NKAIN2: variants seen among roughly 807,000 people sequenced by gnomAD.
NKAIN2 encodes sodium/potassium transporting ATPase interacting 2, also known as sodium/potassium-transporting ATPase subunit beta-1-interacting protein 2.
NKAIN2 carries 14 observed loss-of-function variants against 32.6 expected under a neutral mutation model. That is an observed-to-expected ratio of 0.43 (90% CI 0.28 to 0.67). The LOEUF (loss-of-function observed/expected upper bound fraction) is 0.67. Among genes scored for constraint, NKAIN2 ranks in the 30% least tolerant of loss-of-function variants. The pLI, the probability that NKAIN2 is intolerant of heterozygous loss-of-function variation, is 0.17. For synonymous variants in NKAIN2, 80 were observed against 87.2 expected (o/e 0.92, Z 0.46); for missense variants, 198 against 258.3 (o/e 0.77, Z 1.60).
intron 2 of NKAIN2, among the ~76,000 whole-genome samples, chr6:124,299,256 G>A (rs989979715): frequency 6.6e-6 from 1 of 152,172 alleles, no homozygotes; most frequent in African/African-American, 2.4e-5. Context: ...GGAAACTGCA[G>A]AAACAAAATT....
rs192252965 is a variant in NKAIN2 at position 124,287,051 on chromosome 6, T to G, written c.192+3909T>G. Among the ~76,000 whole-genome samples, 13 of 152,318 alleles carry G rather than the reference T, an allele frequency of 8.5e-5. No individual in the cohort carries two copies. In the East Asian group the frequency reaches 2.5e-3, roughly 29 times the overall value. Reference sequence around the variant, plus strand: ...GTCTTAGTGTTTATCTTAATTTATGTAGATAATTTAATAAAGACATTTACC... The same window carrying G: ...GTCTTAGTGTTTATCTTAATTTATGGAGATAATTTAATAAAGACATTTACC... On this transcript the variant is annotated intron_variant, in intron 2 of 6. Coordinates refer to ENST00000368417, the MANE Select transcript of NKAIN2 (RefSeq NM_001040214.3).
chr6:123,970,000 C>G lies in NKAIN2; in HGVS notation c.54+165746C>G, dbSNP rs2114633640. Among the ~76,000 whole-genome samples, 5 of 152,024 alleles carry G rather than the reference C, an allele frequency of 3.3e-5. No homozygotes were observed. The South Asian group carries it at 1.0e-3, about 32-fold the overall frequency. Reference sequence around the variant, plus strand: ...ATATGTCTTAGGACAAATGCATAAACTAGATGTATGTATCAAATACATAAT... The same window carrying G: ...ATATGTCTTAGGACAAATGCATAAAGTAGATGTATGTATCAAATACATAAT... On this transcript the variant is annotated intron_variant, in intron 1 of 6. Coordinates refer to ENST00000368417, the MANE Select transcript of NKAIN2 (RefSeq NM_001040214.3).
At chr6:124,576,992 C>T (rs969052509) in intron 3 of NKAIN2, among the ~76,000 whole-genome samples, 1 of 151,970 alleles carries the variant, frequency 6.6e-6, no homozygotes, top group Non-Finnish European at 1.5e-5. Context: ...GAACTGAAAC[C>T]TCTGCTTTTT....
At chr6:124,243,571 T>G (rs970935855) in intron 1 of NKAIN2, among the ~76,000 whole-genome samples, 1 of 151,994 alleles carries the variant, frequency 6.6e-6, no homozygotes, top group East Asian at 1.9e-4. Flanking sequence ...AGCCAATGTA[T>G]TGGAAATGTC....
At chr6:124,061,188 C>T (rs1782904902) in intron 1 of NKAIN2, among the ~76,000 whole-genome samples, 1 of 152,100 alleles carries the variant, frequency 6.6e-6, no homozygotes, top group Non-Finnish European at 1.5e-5. Context: ...AAAAGCAAGT[C>T]TGAATAACAC....
intron 1 of NKAIN2, among the ~76,000 whole-genome samples, chr6:123,963,256 G>C (rs937041996): frequency 4.6e-5 from 7 of 152,070 alleles, no homozygotes; most frequent in African/African-American, 1.7e-4. Context: ...TTTTTGGAGT[G>C]ATGAAATAAA....
chr6:124,455,689 C>G (rs976826103), intron 3 of NKAIN2, among the ~76,000 whole-genome samples: 1 of 151,674 alleles, frequency 6.6e-6, no homozygotes, highest in Non-Finnish European at 1.5e-5. Context: ...GGTAACATTT[C>G]CCCTAGTTAC....
At chr6:124,764,841 G>A (rs936423498) in intron 4 of NKAIN2, among the ~76,000 whole-genome samples, 5 of 151,864 alleles carry the variant, frequency 3.3e-5, no homozygotes, top group African/African-American at 1.2e-4. Context: ...GCATCCCAAG[G>A]AAAATTTTAT....
At chr6:123,972,239 G>C (rs145276375) in intron 1 of NKAIN2, among the ~76,000 whole-genome samples, 92 of 152,302 alleles carry the variant, frequency 6.0e-4, no homozygotes, top group African/African-American at 2.2e-3. Context: ...GTTATTAGTA[G>C]TTAAGTTTTT....
intron 1 of NKAIN2, among the ~76,000 whole-genome samples, chr6:124,234,140 A>G (rs1465956385): frequency 6.6e-6 from 1 of 152,118 alleles, no homozygotes; most frequent in African/African-American, 2.4e-5. Flanking sequence ...GTCTTTGCAG[A>G]CTTACTTTTC....
intron 1 of NKAIN2, among the ~76,000 whole-genome samples, chr6:123,877,132 T>A (rs762095269): frequency 6.6e-6 from 1 of 152,200 alleles, no homozygotes; most frequent in Non-Finnish European, 1.5e-5. Context: ...ATTAGAAATC[T>A]ATCTTTTGTT....
At chr6:124,073,121 T>G (rs544439664) in intron 1 of NKAIN2, among the ~76,000 whole-genome samples, 2 of 152,208 alleles carry the variant, frequency 1.3e-5, no homozygotes, top group Non-Finnish European at 2.9e-5. Flanking sequence ...AGTTCAGTGA[T>G]GAACATTGCA....
chr6:124,350,158 A>T (rs1021340282), intron 2 of NKAIN2, among the ~76,000 whole-genome samples: 3 of 152,248 alleles, frequency 2.0e-5, no homozygotes, highest in East Asian at 3.9e-4. Context: ...AGGGCAGAAC[A>T]TCTTTTCCAA....
intron 3 of NKAIN2, among the ~76,000 whole-genome samples, chr6:124,421,429 A>G (rs1774744638): frequency 6.6e-6 from 1 of 152,150 alleles, no homozygotes; most frequent in African/African-American, 2.4e-5. Flanking sequence ...CATTTCTATT[A>G]GGGCACTTCT....
intron 1 of NKAIN2, among the ~76,000 whole-genome samples, chr6:123,990,051 G>A (rs1387525921): frequency 6.6e-6 from 1 of 152,232 alleles, no homozygotes; most frequent in Non-Finnish European, 1.5e-5. Flanking sequence ...TAATAAGCAG[G>A]TACTTTCTTC....
chr6:124,235,522 C>G (rs935687372), intron 1 of NKAIN2, among the ~76,000 whole-genome samples: 1 of 151,688 alleles, frequency 6.6e-6, no homozygotes, highest in African/African-American at 2.4e-5. Flanking sequence ...TTAAATTTTG[C>G]ATATGAGGGA....
At chr6:124,122,677 G>T (rs777235475) in intron 1 of NKAIN2, among the ~76,000 whole-genome samples, 3 of 152,070 alleles carry the variant, frequency 2.0e-5, no homozygotes, top group Non-Finnish European at 4.4e-5. Flanking sequence ...ACAGCAGAAA[G>T]ACTCCCCATA....
At chr6:124,664,585 G>C (rs1359641056) in intron 4 of NKAIN2, among the ~76,000 whole-genome samples, 2 of 151,010 alleles carry the variant, frequency 1.3e-5, no homozygotes, top group Admixed American at 1.3e-4. Context: ...ACGAGGTCAG[G>C]AGATCGAGAC....
At chr6:124,070,865 A>AAAACTACACT (rs1418179997) in intron 1 of NKAIN2, among the ~76,000 whole-genome samples, 2 of 152,182 alleles carry the variant, frequency 1.3e-5, no homozygotes, top group Non-Finnish European at 2.9e-5. Context: ...ACTATATCAT[A>AAAACTACACT]AAACTACACT....
Sources: gnomAD v4.1 joint callset for allele counts (sites outside exome capture counted in the v4.1 genomes callset) on GRCh38, gnomAD v4.1.1 for gene constraint, MANE v1.5 for transcripts, NCBI Gene and HGNC (gene_info 2026-07-23, HGNC 2026-07-21) for gene names.